CEP63: variants seen among roughly 807,000 people sequenced by gnomAD.
CEP63 encodes centrosomal protein of 63 kDa.
Under a neutral mutation model 89.1 loss-of-function variants are expected in CEP63, and 84 were observed. The observed-to-expected ratio is 0.94, with a 90% CI of 0.79 to 1.13. The LOEUF (loss-of-function observed/expected upper bound fraction) is 1.13, where lower values mean the gene tolerates loss of function less well. Among genes scored for constraint, CEP63 ranks in the 50% most tolerant of loss-of-function variants. The pLI, the probability that CEP63 is intolerant of heterozygous loss-of-function variation, is 0.00. For synonymous variants in CEP63, 267 were observed against 272.5 expected, an observed-to-expected ratio of 0.98 and a Z score of 0.20; for missense variants, 838 against 813.3, an observed-to-expected ratio of 1.03 and a Z score of -0.37.
the CEP63 span, among the ~76,000 whole-genome samples, chr3:134,778,678 C>A: frequency 8.5e-5 from 13 of 152,106 alleles, no homozygotes; most frequent in African/African-American, 3.1e-4. Context: ...CCTGCCTCAG[C>A]CTCCCAAGTA....
downstream of CEP63, among the ~76,000 whole-genome samples, chr3:134,588,818 T>G (rs547395858): frequency 2.7e-4 from 41 of 152,246 alleles, no homozygotes; most frequent in African/African-American, 9.6e-4. Flanking sequence ...AACCTCTGAC[T>G]AGACTTATCA....
chr3:134,650,999 C>G, the CEP63 span: 7 of 1,611,686 alleles, frequency 4.3e-6, no homozygotes, highest in South Asian at 5.5e-5. Flanking sequence ...CGCGGCCGCA[C>G]GCTAGGCTGC....
At chr3:134,698,028 G>A in the CEP63 span, among the ~76,000 whole-genome samples, 3 of 152,192 alleles carry the variant, frequency 2.0e-5, no homozygotes, top group Admixed American at 1.3e-4. Context: ...ATGGAAGACT[G>A]CGTGCACAGT....
the CEP63 span, among the ~76,000 whole-genome samples, chr3:134,723,183 T>C: frequency 2.0e-5 from 3 of 152,330 alleles, no homozygotes; most frequent in South Asian, 6.2e-4. Context: ...CCCCTCCCTG[T>C]GTCCACACCC....
chr3:134,504,115 T>C (rs535109230), intron 2 of CEP63, among the ~76,000 whole-genome samples: 77 of 94,142 alleles, frequency 8.2e-4, no homozygotes, highest in African/African-American at 3.3e-3. Context: ...CTCTCTCTCT[T>C]TTTTTTTTTT....
At chr3:134,688,171 G>A in the CEP63 span, among the ~76,000 whole-genome samples, 27 of 152,266 alleles carry the variant, frequency 1.8e-4, no homozygotes, top group African/African-American at 2.9e-4. Context: ...CCAAATGCCC[G>A]TCACCTGGTG....
At chr3:134,712,544 A>G in the CEP63 span, among the ~76,000 whole-genome samples, 1 of 151,674 alleles carries the variant, frequency 6.6e-6, no homozygotes, top group South Asian at 2.1e-4. Flanking sequence ...TTATTTGCAT[A>G]TGAAACATTT....
the CEP63 span, among the ~76,000 whole-genome samples, chr3:134,622,067 T>G: frequency 2.0e-5 from 3 of 152,172 alleles, no homozygotes; most frequent in African/African-American, 7.2e-5. Context: ...GAAAATAATG[T>G]GTTGGCAAGA....
At chr3:134,774,808 T>A in the CEP63 span, among the ~76,000 whole-genome samples, 1 of 152,190 alleles carries the variant, frequency 6.6e-6, no homozygotes, top group South Asian at 2.1e-4. Flanking sequence ...TCATATACCC[T>A]GCCCATATTA....
downstream of CEP63, among the ~76,000 whole-genome samples, chr3:134,567,775 G>A (rs759958078): frequency 1.3e-5 from 2 of 152,218 alleles, no homozygotes; most frequent in South Asian, 2.1e-4. Flanking sequence ...CCTGTTAGGC[G>A]AGGTTGCAGG....
At chr3:134,607,015 T>A in the CEP63 span, 8 of 984,398 alleles carry the variant, frequency 8.1e-6, no homozygotes, top group Middle Eastern at 5.2e-4. Flanking sequence ...ATATATGGAA[T>A]CATATTTAGG....
At chr3:134,655,555 A>C in the CEP63 span, among the ~76,000 whole-genome samples, 5 of 152,318 alleles carry the variant, frequency 3.3e-5, no homozygotes, top group East Asian at 9.7e-4. Context: ...CCAAGGTCTC[A>C]CATGTGTCTT....
downstream of CEP63, among the ~76,000 whole-genome samples, chr3:134,565,196 C>T (rs1957699376): frequency 6.6e-6 from 1 of 152,140 alleles, no homozygotes; most frequent in Non-Finnish European, 1.5e-5. Context: ...CATGAATTTT[C>T]ATCTGGATTC....
rs1309025058 is a variant in CEP63, at chr3:134,558,367, T to A, written c.1673+20T>A. On this transcript the variant is annotated intron_variant, in intron 13 of 14. Coordinates refer to ENST00000675561, the MANE Select transcript of CEP63 (RefSeq NM_001353108.3). The stretch of plus-strand genomic sequence containing the variant: ...GTTCAAGTAAAATTTTTTAAAAGTT[T>A]ATTTAAAATGTGTATTGGTACAATA... 2 of 1,470,352 alleles carry A rather than the reference T, an allele frequency of 1.4e-6. No homozygotes were observed. The highest frequency in any genetic ancestry group is 1.9e-6 in the Non-Finnish European group (2 of 1,051,362). The allele number at this position is 1,470,352 out of a possible 1,614,324, so 91.1% of individuals were successfully genotyped here. A position where few individuals can be genotyped will look rare whatever the true frequency, so the allele number is the denominator to read the frequency against.
chr3:134,577,023 T>C (rs1052632219), downstream of CEP63, among the ~76,000 whole-genome samples: 2 of 152,150 alleles, frequency 1.3e-5, no homozygotes, highest in Non-Finnish European at 2.9e-5. Flanking sequence ...CACACTAGTG[T>C]TGGCGTAGTA....
At chr3:134,597,011 G>A in the CEP63 span, among the ~76,000 whole-genome samples, 1 of 152,176 alleles carries the variant, frequency 6.6e-6, no homozygotes, top group South Asian at 2.1e-4. Context: ...CACGCTGGTG[G>A]GAGGTACATG....
At chr3:134,574,531 A>G (rs1260813384) in intron 11 of CEP63, among the ~76,000 whole-genome samples, 3 of 152,196 alleles carry the variant, frequency 2.0e-5, no homozygotes, top group Non-Finnish European at 2.9e-5. Flanking sequence ...TAATTCTTCA[A>G]ATTAGCATTT....
the CEP63 span, among the ~76,000 whole-genome samples, chr3:134,664,853 G>A: frequency 6.6e-6 from 1 of 152,164 alleles, no homozygotes; most frequent in African/African-American, 2.4e-5. Context: ...CTGGCTTGCT[G>A]CATGGCCTGC....
chr3:134,771,991 G>C, the CEP63 span, among the ~76,000 whole-genome samples: 1 of 152,190 alleles, frequency 6.6e-6, no homozygotes, highest in Non-Finnish European at 1.5e-5. Context: ...TCCCCGGCTT[G>C]GGGTAAAAAT....
Sources: allele counts gnomAD v4.1 joint callset (sites outside exome capture counted in the v4.1 genomes callset), GRCh38; gene constraint gnomAD v4.1.1; transcripts MANE v1.5; gene names NCBI Gene and HGNC (gene_info 2026-07-23, HGNC 2026-07-21).